GIN1: variants seen among roughly 807,000 people sequenced by gnomAD.
The protein encoded by GIN1 is gypsy retrotransposon integrase-like protein 1.
GIN1 carries 41 observed loss-of-function variants against 51.4 expected under a neutral mutation model. The observed-to-expected ratio is 0.80, with a 90% CI of 0.62 to 1.04. The LOEUF (loss-of-function observed/expected upper bound fraction) is 1.04, where lower values mean the gene tolerates loss of function less well. Ranked by LOEUF, GIN1 falls within the 50% of genes least tolerant of loss-of-function variation. GIN1 has a pLI of 0.00. For missense variants in GIN1, 610 were observed against 612.4 expected, an observed-to-expected ratio of 1.00 and a Z score of 0.04; for synonymous variants, 222 against 206.5, an observed-to-expected ratio of 1.07 and a Z score of -0.64.
chr5:103,112,559 C>G (rs1299651096), intron 1 of GIN1, among the ~76,000 whole-genome samples: 1 of 152,100 alleles, frequency 6.6e-6, no homozygotes, highest in African/African-American at 2.4e-5. Context: ...TACCCATGGC[C>G]ATATCCCCAA....
At chr5:103,117,160 TAAAC>T (rs1788054647) in intron 1 of GIN1, among the ~76,000 whole-genome samples, 1 of 152,002 alleles carries the variant, frequency 6.6e-6, no homozygotes, top group Non-Finnish European at 1.5e-5. Flanking sequence ...GGTGAATGGA[TAAAC>T]AAATTACAGT....
intron 4 of GIN1, among the ~76,000 whole-genome samples, chr5:103,099,636 T>C (rs532172212): frequency 3.3e-5 from 5 of 152,270 alleles, no homozygotes; most frequent in African/African-American, 9.6e-5. Flanking sequence ...ATTTGTGAAA[T>C]GGTATCTTGA....
chr5:103,108,498 C>A, intron 2 of GIN1, 71 bp downstream of exon 2: 1 of 1,099,126 alleles, frequency 9.1e-7, no homozygotes, highest in Non-Finnish European at 1.3e-6. Flanking sequence ...CAGAAATTCC[C>A]AAACTTCCAC....
rs139566758 is a variant in GIN1, at chr5:103,086,265, G to A, written c.*1633C>T. On this transcript the variant is annotated 3_prime_UTR_variant, in exon 8 of 8. Transcript: ENST00000399004. ...TCAGAACACCAGTAATACTGTATTA[G>A]AGCCCACCCTATTGAAATATGATCT... 64 of 151,962 alleles carry A rather than the reference G, an allele frequency of 4.2e-4. No individual in the cohort carries two copies. The highest frequency in any genetic ancestry group is 1.5e-3 in the African/African-American group (63 of 41,440). 9.4% of individuals were successfully genotyped at this position (151,962 alleles called of 1,614,324 possible).
At chr5:103,105,643 C>T (rs1583126334) in intron 3 of GIN1, among the ~76,000 whole-genome samples, 2 of 152,284 alleles carry the variant, frequency 1.3e-5, no homozygotes, top group Non-Finnish European at 2.9e-5. Context: ...ACAAGATCAA[C>T]TGATCAATTT....
chr5:103,106,971 G>T (rs1021908163), intron 2 of GIN1, 62 bp from the exon 3 acceptor site: 2 of 835,414 alleles, frequency 2.4e-6, no homozygotes, highest in African/African-American at 1.8e-5. Context: ...AGTTTTAAGA[G>T]AATCATAGCC....
intron 4 of GIN1, among the ~76,000 whole-genome samples, chr5:103,104,121 A>T (rs40093): frequency 0.32 from 49,103 of 151,714 alleles, 8,213 homozygotes; most frequent in East Asian, 0.45. Flanking sequence ...GCCCAGTTAA[A>T]TTTTGTATTT....
intron 4 of GIN1, among the ~76,000 whole-genome samples, chr5:103,103,940 C>G (rs1787646655): frequency 6.6e-6 from 1 of 152,034 alleles, no homozygotes; most frequent in Admixed American, 6.6e-5. Flanking sequence ...CAGGTGTGTG[C>G]CACCACACCT....
intron 1 of GIN1, among the ~76,000 whole-genome samples, chr5:103,119,148 T>G (rs1788236937): frequency 6.6e-6 from 1 of 152,208 alleles, no homozygotes; most frequent in Admixed American, 6.5e-5. Flanking sequence ...GTAAGGCAGT[T>G]AGGTATTATG....
At chr5:103,118,360 T>C (rs1554197654) in intron 1 of GIN1, among the ~76,000 whole-genome samples, 1 of 152,126 alleles carries the variant, frequency 6.6e-6, no homozygotes, top group Non-Finnish European at 1.5e-5. Context: ...ATAATTATTA[T>C]CATATCTAAG....
At chr5:103,098,262 T>C (rs184258983) in intron 4 of GIN1, among the ~76,000 whole-genome samples, 2 of 152,256 alleles carry the variant, frequency 1.3e-5, no homozygotes, top group Non-Finnish European at 2.9e-5. Context: ...AAAATAGTGA[T>C]TGCCATTTAT....
chr5:103,108,944 T>C (rs555587373), intron 1 of GIN1, among the ~76,000 whole-genome samples: 39 of 152,156 alleles, frequency 2.6e-4, no homozygotes, highest in African/African-American at 9.1e-4. Flanking sequence ...TCTTTCCATT[T>C]GATAAGAAAT....
At chr5:103,094,203 G>T (rs138391502) in intron 7 of GIN1, among the ~76,000 whole-genome samples, 77 of 152,154 alleles carry the variant, frequency 5.1e-4, no homozygotes, top group African/African-American at 1.8e-3. Flanking sequence ...TCATGGAAAA[G>T]ATTTTCAAGA....
At chr5:103,090,438 T>C (rs1787205148) in intron 7 of GIN1, among the ~76,000 whole-genome samples, 1 of 152,220 alleles carries the variant, frequency 6.6e-6, no homozygotes, top group Non-Finnish European at 1.5e-5. Context: ...CTACTGTTAA[T>C]ACGAGAGAAG....
chr5:103,092,837 T>C (rs1449779955), intron 7 of GIN1, among the ~76,000 whole-genome samples: 2 of 149,744 alleles, frequency 1.3e-5, no homozygotes, highest in Non-Finnish European at 3.0e-5. Context: ...TCCAAGCTAC[T>C]TGGGAGGCTG....
chr5:103,100,117 T>TA (rs1220502311), intron 4 of GIN1, among the ~76,000 whole-genome samples: 8 of 151,980 alleles, frequency 5.3e-5, no homozygotes, highest in African/African-American at 1.9e-4. Flanking sequence ...TTTTTATTTT[T>TA]TTTTTTTGAG....
chr5:103,096,415 A>C (rs1411559146), intron 7 of GIN1, 126 bp downstream of exon 7: 3 of 738,814 alleles, frequency 4.1e-6, no homozygotes, highest in East Asian at 2.5e-5. Context: ...GATAGCTAAA[A>C]CTGTAACAAA....
intron 7 of GIN1, among the ~76,000 whole-genome samples, chr5:103,089,541 T>C (rs1554194316): frequency 1.3e-5 from 2 of 152,108 alleles, no homozygotes. Context: ...ACTGCATCCT[T>C]GACCTTCTGG....
At chr5:103,096,062 C>T (rs1318423905) in intron 7 of GIN1, among the ~76,000 whole-genome samples, 2 of 152,072 alleles carry the variant, frequency 1.3e-5, no homozygotes, top group Non-Finnish European at 2.9e-5. Flanking sequence ...ATAAAAATGC[C>T]CAGGCACCCT....
Sources: allele counts gnomAD v4.1 joint callset (sites outside exome capture counted in the v4.1 genomes callset), GRCh38; gene constraint gnomAD v4.1.1; transcripts MANE v1.5; gene names NCBI Gene and HGNC (gene_info 2026-07-23, HGNC 2026-07-21).